Variants in TMEM163 observed in about 807,000 individuals in gnomAD.
The protein encoded by TMEM163 is transmembrane protein 163.
TMEM163 carries 17 observed loss-of-function variants against 29.3 expected under a neutral mutation model. The observed-to-expected ratio is 0.58, with a 90% confidence interval of 0.40 to 0.87. The LOEUF is 0.87. Ranked by LOEUF, TMEM163 falls within the 40% of genes least tolerant of loss-of-function variation. The pLI is 0.00. For missense variants in TMEM163, 303 were observed against 381.5 expected, an observed-to-expected ratio of 0.79 and a Z score of 1.71; for synonymous variants, 157 against 160.6, an observed-to-expected ratio of 0.98 and a Z score of 0.17.
At chr2:134,650,184 T>C (rs1269369019) in intron 2 of TMEM163, among the ~76,000 whole-genome samples, 1 of 152,016 alleles carries the variant, frequency 6.6e-6, no homozygotes, top group Non-Finnish European at 1.5e-5. Flanking sequence ...TATATGTATG[T>C]GTATAAAAAC....
At chr2:134,667,028 C>T (rs868445096) in intron 2 of TMEM163, among the ~76,000 whole-genome samples, 1 of 152,184 alleles carries the variant, frequency 6.6e-6, no homozygotes, top group African/African-American at 2.4e-5. Context: ...GAAAAATCTA[C>T]TCATCACTCA....
At chr2:134,483,670 A>G (rs879775860) in intron 5 of TMEM163, among the ~76,000 whole-genome samples, 4 of 152,202 alleles carry the variant, frequency 2.6e-5, no homozygotes, top group Non-Finnish European at 5.9e-5. Flanking sequence ...AAGATCACCC[A>G]GCTAGTCAGA....
intron 4 of TMEM163, among the ~76,000 whole-genome samples, chr2:134,539,974 C>T (rs1297007847): frequency 6.6e-6 from 1 of 152,182 alleles, no homozygotes; most frequent in South Asian, 2.1e-4. Context: ...GAACTCAGCC[C>T]GCTCACCTCC....
chr2:134,500,884 A>G lies in TMEM163; in HGVS notation c.555+2017T>C, dbSNP rs543471956. ...AAAATTACAGCTAGATAGGAGGAATAAGTTCTAGTGTTCTAAACAATTATA... is the reference window on the plus strand; with the variant it reads ...AAAATTACAGCTAGATAGGAGGAATGAGTTCTAGTGTTCTAAACAATTATA... On this transcript the variant is annotated intron_variant, in intron 5 of 7. Coordinates refer to ENST00000281924, the MANE Select transcript of TMEM163 (RefSeq NM_030923.5). Among the ~76,000 whole-genome samples the G allele has an allele frequency of 2.0e-4, 31 of 152,298 alleles. No individual in the cohort carries two copies. The South Asian group carries it at 2.3e-3, about 11-fold the overall frequency.
intron 2 of TMEM163, among the ~76,000 whole-genome samples, chr2:134,695,523 T>A (rs935979187): frequency 6.6e-6 from 1 of 152,058 alleles, no homozygotes; most frequent in Non-Finnish European, 1.5e-5. Context: ...ACAAATACTA[T>A]AAAAACTGTA....
At position 134,456,640 on chromosome 2, in the gene TMEM163, T is replaced by A. The variant is rs1460239728; in HGVS notation, c.*76A>T. 7.2e-6 allele frequency: 11 copies of A among 1,525,774 alleles called. No individual in the cohort carries two copies. Among genetic ancestry groups the A allele is most frequent in the Non-Finnish European group, 9.0e-6 (10 of 1,107,874 alleles). The allele number at this position is 1,525,774 out of a possible 1,614,324, so 94.5% of individuals were successfully genotyped here. On this transcript the variant is annotated 3_prime_UTR_variant, in exon 8 of 8. Coordinates refer to ENST00000281924, the MANE Select transcript of TMEM163 (RefSeq NM_030923.5). ...AAAACTTCCAAAAAGAAACCAGATG[T>A]TCAGTTAAATATTGGCACCCTTTGC... is the stretch of plus-strand genomic sequence containing the variant.
At chr2:134,509,475 A>C (rs1014159453) in intron 4 of TMEM163, among the ~76,000 whole-genome samples, 1 of 152,222 alleles carries the variant, frequency 6.6e-6, no homozygotes, top group Non-Finnish European at 1.5e-5. Context: ...CCTTCCCTCC[A>C]GGGAGCCCAC....
chr2:134,506,135 A>G (rs934176739), intron 4 of TMEM163, among the ~76,000 whole-genome samples: 10 of 152,262 alleles, frequency 6.6e-5, no homozygotes, highest in African/African-American at 2.4e-4. Flanking sequence ...TTGGTTTATT[A>G]AAGTTGAATT....
chr2:134,718,631 C>G lies in TMEM163; in HGVS notation c.202+103G>C, dbSNP rs559943481. On this transcript the variant is annotated intron_variant, in intron 1 of 7. Coordinates refer to ENST00000281924, the MANE Select transcript of TMEM163 (RefSeq NM_030923.5). The stretch of plus-strand genomic sequence containing the variant: ...GAAGTCGGGGCTCCGCGCCCCCGCG[C>G]GCTCCGAGCCCCGCGCCTCGCCCAG... 36 of 892,944 alleles carry G rather than the reference C, an allele frequency of 4.0e-5. 1 individual carries two copies. In the Middle Eastern group the frequency reaches 2.4e-3, roughly 60 times the overall value. 55.3% of individuals were successfully genotyped at this position (892,944 alleles called of 1,614,324 possible).
At chr2:134,678,137 TG>T in intron 2 of TMEM163, among the ~76,000 whole-genome samples, 1 of 152,228 alleles carries the variant, frequency 6.6e-6, no homozygotes, top group Admixed American at 6.5e-5. Flanking sequence ...TGGACTGCAC[TG>T]GGCTATTTAA....
At chr2:134,496,208 C>T (rs1451159043) in intron 5 of TMEM163, among the ~76,000 whole-genome samples, 2 of 151,988 alleles carry the variant, frequency 1.3e-5, no homozygotes, top group Non-Finnish European at 2.9e-5. Flanking sequence ...ATTACAGGTG[C>T]CCACCACCAC....
intron 2 of TMEM163, among the ~76,000 whole-genome samples, chr2:134,577,189 C>T (rs139087802): frequency 2.1e-4 from 32 of 152,314 alleles, no homozygotes; most frequent in Admixed American, 3.9e-4. Context: ...TATACACACA[C>T]GTAGACATGC....
At chr2:134,562,158 T>G (rs912293138) in intron 2 of TMEM163, among the ~76,000 whole-genome samples, 8 of 152,222 alleles carry the variant, frequency 5.3e-5, no homozygotes, top group Non-Finnish European at 1.2e-4. Flanking sequence ...TGGCTTGGTG[T>G]CTTTTTGGGC....
intron 5 of TMEM163, among the ~76,000 whole-genome samples, chr2:134,486,182 G>A (rs7580799): frequency 0.11 from 17,479 of 152,168 alleles, 1,238 homozygotes; most frequent in South Asian, 0.2. Context: ...TGACATAATT[G>A]AATATTTTAT....
rs762158618 is a variant in TMEM163, at chr2:134,502,932, T to C, written c.524A>G (p.His175Arg). Residue 175 changes from histidine (H) to arginine (R), a missense_variant, in exon 5 of 8, where the codon CAT (histidine) becomes CGT (arginine). Around this residue, in one of 2 missense-constraint regions of TMEM163, gnomAD observed 203 missense variants for 294.3 expected, o/e 0.69. Transcript: ENST00000281924. The stretch of plus-strand genomic sequence containing the variant: ...TGGGAGCAGCCTAGTTGAGAGGTCA[T>C]GGATGGCTTTGACCACTATACATAT... The part of the protein sequence containing the change: ...SSICIVVKAI[H>R]DLSTRLLPEV... 5.6e-6 allele frequency: 9 copies of C among 1,613,760 alleles called. No homozygotes were observed. The highest frequency in any genetic ancestry group is 1.3e-5 in the African/African-American group (1 of 74,866).
At chr2:134,668,636 A>G (rs1237882465) in intron 2 of TMEM163, among the ~76,000 whole-genome samples, 2 of 152,016 alleles carry the variant, frequency 1.3e-5, no homozygotes, top group African/African-American at 4.8e-5. Context: ...AAAAAAAAAA[A>G]AAAGAAAAGA....
chr2:134,692,597 T>A (rs1464928687), intron 2 of TMEM163, among the ~76,000 whole-genome samples: 1 of 152,156 alleles, frequency 6.6e-6, no homozygotes, highest in African/African-American at 2.4e-5. Context: ...GGGCTCCCCG[T>A]GGGTTCCAGA....
intron 2 of TMEM163, among the ~76,000 whole-genome samples, chr2:134,651,487 T>C (rs1242255871): frequency 6.4e-5 from 7 of 108,930 alleles, no homozygotes; most frequent in Admixed American, 2.8e-4. Flanking sequence ...TCTCCCATTT[T>C]GTAGGTTGCC....
chr2:134,598,368 A>T (rs930190600), intron 2 of TMEM163, among the ~76,000 whole-genome samples: 1 of 152,152 alleles, frequency 6.6e-6, no homozygotes, highest in East Asian at 1.9e-4. Context: ...AGTAGCTAGC[A>T]CTATGTACTA....
Sources: gnomAD v4.1 joint callset for allele counts (sites outside exome capture counted in the v4.1 genomes callset) on GRCh38, gnomAD v4.1.1 for gene constraint, gnomAD v4.1.1 regional missense constraint, MANE v1.5 for transcripts, NCBI Gene and HGNC (gene_info 2026-07-23, HGNC 2026-07-21) for gene names.